The following RERE variants were observed in gnomAD, a reference collection of about 807,000 sequenced individuals.
RERE encodes arginine-glutamic acid dipeptide repeats, also known as arginine-glutamic acid dipeptide repeats protein.
RERE carries 40 observed loss-of-function variants against 146.1 expected under a neutral mutation model. The ratio of observed to expected loss-of-function variants is 0.27; its 90% confidence interval spans 0.21 to 0.36. The LOEUF (loss-of-function observed/expected upper bound fraction) is 0.36. RERE is among the 10% of genes least tolerant of loss of function. The pLI is 1.00. For missense variants in RERE, 1,933 were observed against 2,138.7 expected (o/e 0.90, Z 1.90); for synonymous variants, 1,003 against 866.0 (o/e 1.16, Z -2.78).
intron 12 of RERE, among the ~76,000 whole-genome samples, chr1:8,399,213 T>G (rs1160914140): frequency 6.6e-6 from 1 of 152,096 alleles, no homozygotes; most frequent in Non-Finnish European, 1.5e-5. Flanking sequence ...CACAGACTTT[T>G]TAAGTCTTAA....
chr1:8,793,157 CAAAAA>C (rs1015889392), intron 1 of RERE, among the ~76,000 whole-genome samples: 53 of 49,310 alleles, frequency 1.1e-3, no homozygotes, highest in African/African-American at 3.3e-3. Context: ...ACTCCATCTC[CAAAAA>C]AAAAAAAAAA....
chr1:8,566,877 G>T (rs886891405), intron 4 of RERE, among the ~76,000 whole-genome samples: 1 of 150,168 alleles, frequency 6.7e-6, no homozygotes, highest in African/African-American at 2.5e-5. Flanking sequence ...TGCAACCTCC[G>T]CCTCCAGGGT....
At chr1:8,782,767 G>A (rs1250884425) in intron 1 of RERE, among the ~76,000 whole-genome samples, 2 of 152,072 alleles carry the variant, frequency 1.3e-5, no homozygotes, top group Non-Finnish European at 2.9e-5. Context: ...TTAGCTGGAT[G>A]TGGTAGCAGG....
chr1:8,534,852 A>G (rs1170877966), intron 7 of RERE, among the ~76,000 whole-genome samples: 1 of 152,240 alleles, frequency 6.6e-6, no homozygotes, highest in East Asian at 1.9e-4. Context: ...CTGGACAAAT[A>G]AGAATTGTAT....
chr1:8,661,121 C>T (rs1354746019), intron 1 of RERE, among the ~76,000 whole-genome samples: 1 of 152,122 alleles, frequency 6.6e-6, no homozygotes, highest in Non-Finnish European at 1.5e-5. Context: ...ACAAGATGTT[C>T]AGGGAAGGCC....
chr1:8,385,253 C>T (rs935890862), intron 12 of RERE, among the ~76,000 whole-genome samples: 16 of 152,212 alleles, frequency 1.1e-4, no homozygotes, highest in Admixed American at 9.2e-4. Flanking sequence ...AATATCAACA[C>T]CCATCACAGT....
chr1:8,668,300 C>T (rs1638624394), intron 1 of RERE, among the ~76,000 whole-genome samples: 2 of 152,122 alleles, frequency 1.3e-5, no homozygotes, highest in Non-Finnish European at 1.5e-5. Context: ...ATCAAATATC[C>T]TGAAAATTCT....
chr1:8,492,742 A>G (rs1406154753), intron 10 of RERE, among the ~76,000 whole-genome samples: 1 of 152,114 alleles, frequency 6.6e-6, no homozygotes, highest in African/African-American at 2.4e-5. Flanking sequence ...TTGACAAAAA[A>G]AATTTTTATT....
chr1:8,443,531 C>T (rs1644280123), intron 11 of RERE, among the ~76,000 whole-genome samples: 2 of 150,166 alleles, frequency 1.3e-5, no homozygotes, highest in Non-Finnish European at 3.0e-5. Flanking sequence ...AAAGCAATCA[C>T]TTGCTAGAGA....
chr1:8,485,796 CTTTT>C (rs58295004), intron 10 of RERE, among the ~76,000 whole-genome samples: 17 of 117,794 alleles, frequency 1.4e-4, no homozygotes, highest in African/African-American at 1.3e-4. Flanking sequence ...TCTACAATCA[CTTTT>C]TTTTTTTTTT....
intron 7 of RERE, among the ~76,000 whole-genome samples, chr1:8,534,691 C>T (rs895598962): frequency 2.7e-5 from 2 of 73,438 alleles, no homozygotes; most frequent in Admixed American, 3.3e-4. Flanking sequence ...ATGAATAAAT[C>T]GAAAGTTTGA....
intron 8 of RERE, among the ~76,000 whole-genome samples, chr1:8,499,807 G>A (rs1447879733): frequency 6.6e-6 from 1 of 152,214 alleles, no homozygotes; most frequent in Non-Finnish European, 1.5e-5. Context: ...AACACATAGT[G>A]AAAATAGTGG....
chr1:8,452,940 A>C (rs1399260600), intron 11 of RERE, among the ~76,000 whole-genome samples: 1 of 152,196 alleles, frequency 6.6e-6, no homozygotes, highest in Admixed American at 6.5e-5. Flanking sequence ...TGTTCAAACC[A>C]GTGGAGAGTA....
At position 8,358,425 on chromosome 1, in the gene RERE, G is replaced by T; in HGVS notation, c.4110C>A (p.Gly1370=). Residue 1370 remains glycine (G), a synonymous_variant, in exon 20 of 23, where the codon GGC becomes GGA. Transcript: ENST00000400908. The part of the protein sequence containing the change: ...GPHPFASFHP[G]LNPLERERLA... ...GTCTCTCCCTCTCCAAGGGGTTCAGGCCCGGGTGGAAAGAAGCAAAAGGGT... is the reference window on the plus strand; with the variant it reads ...GTCTCTCCCTCTCCAAGGGGTTCAGTCCCGGGTGGAAAGAAGCAAAAGGGT... 4.4e-6 allele frequency: 7 copies of T among 1,595,516 alleles called. No individual in the cohort carries two copies. Among genetic ancestry groups the T allele is most frequent in the Non-Finnish European group, 6.0e-6 (7 of 1,167,694 alleles).
At chr1:8,717,718 T>G (rs1202862610) in intron 1 of RERE, among the ~76,000 whole-genome samples, 1 of 152,200 alleles carries the variant, frequency 6.6e-6, no homozygotes, top group Non-Finnish European at 1.5e-5. Context: ...CGAAAGGAGA[T>G]AGACATACAT....
At chr1:8,745,122 G>GT (rs1487196981) in intron 1 of RERE, among the ~76,000 whole-genome samples, 1 of 152,066 alleles carries the variant, frequency 6.6e-6, no homozygotes, top group African/African-American at 2.4e-5. Context: ...TAATCCCCAC[G>GT]TGTCTAGGGA....
At chr1:8,514,912 TGAA>T (rs952665283) in intron 7 of RERE, among the ~76,000 whole-genome samples, 2 of 152,214 alleles carry the variant, frequency 1.3e-5, no homozygotes, top group African/African-American at 4.8e-5. Context: ...TCTTCTTTGA[TGAA>T]TAACAACAGT....
intron 12 of RERE, among the ~76,000 whole-genome samples, chr1:8,398,329 G>A (rs908175634): frequency 6.6e-6 from 1 of 152,168 alleles, no homozygotes; most frequent in Non-Finnish European, 1.5e-5. Flanking sequence ...CAGGCAAGGG[G>A]GTTAGTACTG....
chr1:8,642,382 A>G (rs1039100282), intron 2 of RERE, among the ~76,000 whole-genome samples: 24 of 152,204 alleles, frequency 1.6e-4, no homozygotes, highest in Admixed American at 4.6e-4. Context: ...CCCTCTGTGT[A>G]ACTGATTCAG....
Sources: gnomAD v4.1 joint callset for allele counts (sites outside exome capture counted in the v4.1 genomes callset) on GRCh38, gnomAD v4.1.1 for gene constraint, MANE v1.5 for transcripts, NCBI Gene and HGNC (gene_info 2026-07-23, HGNC 2026-07-21) for gene names.